Variants in ABCA13 observed in about 807,000 individuals in gnomAD.
The protein encoded by ABCA13 is ATP binding cassette subfamily A member 13.
Under a neutral mutation model 478.7 loss-of-function variants are expected in ABCA13, and 476 were observed. That is an observed-to-expected ratio of 0.99 (90% confidence interval 0.92 to 1.07). The LOEUF is 1.07. Among genes scored for constraint, ABCA13 ranks in the 50% least tolerant of loss-of-function variants. The probability of loss-of-function intolerance (pLI) is 0.00; values close to 1 mark genes in which losing one functional copy is unlikely to be tolerated. For missense variants in ABCA13, 6,060 were observed against 5,910.6 expected, an observed-to-expected ratio of 1.03 and a Z score of -0.83; for synonymous variants, 2,252 against 2,158.9, an observed-to-expected ratio of 1.04 and a Z score of -1.20.
Position 48,274,495 on chromosome 7 carries a change from A to G in ABCA13, c.4829A>G (p.His1610Arg), listed in dbSNP as rs754677392. 3 of 1,613,878 alleles carry G rather than the reference A, an allele frequency of 1.9e-6. No individual in the cohort carries two copies. Among genetic ancestry groups the G allele is most frequent in the South Asian group, 1.1e-5 (1 of 91,084 alleles). The change falls in exon 17 of 62, where the codon CAT becomes CGT. Residue 1610 changes from histidine (H) to arginine (R), a missense_variant. By Grantham distance (29) the His-to-Arg change is conservative (BLOSUM62 0). Transcript: ENST00000435803. ...AGTTACCTTGCCTTCAGCTTATCTC[A>G]TGACCTCCAAAATTCACCAAAAATA... is the stretch of plus-strand genomic sequence containing the variant. The part of the protein sequence containing the change: ...LASYLAFSLS[H>R]DLQNSPKIII...
At chr7:48,627,727 T>C (rs1368746914) in intron 59 of ABCA13, among the ~76,000 whole-genome samples, 1 of 152,206 alleles carries the variant, frequency 6.6e-6, no homozygotes, top group Non-Finnish European at 1.5e-5. Flanking sequence ...TTTAGAATTC[T>C]GGAGGCTAGG....
At chr7:48,637,970 C>T (rs896533966) in intron 59 of ABCA13, among the ~76,000 whole-genome samples, 3 of 152,166 alleles carry the variant, frequency 2.0e-5, no homozygotes, top group Non-Finnish European at 4.4e-5. Context: ...ACTGTAACAA[C>T]TGATGGCATT....
intron 3 of ABCA13, among the ~76,000 whole-genome samples, chr7:48,217,841 C>G (rs1786720786): frequency 6.6e-6 from 1 of 152,154 alleles, no homozygotes; most frequent in Non-Finnish European, 1.5e-5. Flanking sequence ...CCACTGTAAT[C>G]TCTTTTATCC....
At chr7:48,463,390 T>C (rs1308558576) in intron 43 of ABCA13, among the ~76,000 whole-genome samples, 2 of 152,172 alleles carry the variant, frequency 1.3e-5, no homozygotes, top group Non-Finnish European at 2.9e-5. Flanking sequence ...TCCTATACTC[T>C]CTCTCATTTA....
intron 39 of ABCA13, among the ~76,000 whole-genome samples, chr7:48,409,482 A>G (rs561955692): frequency 5.3e-5 from 8 of 152,214 alleles, no homozygotes; most frequent in Admixed American, 4.6e-4. Flanking sequence ...GGAACACCCA[A>G]GTCCCCCTCC....
chr7:48,232,645 C>G (rs892361657), intron 7 of ABCA13, among the ~76,000 whole-genome samples: 1 of 152,174 alleles, frequency 6.6e-6, no homozygotes, highest in South Asian at 2.1e-4. Context: ...AACTGTTAAT[C>G]TACACATTCT....
In ABCA13 at chr7:48,645,628, A is replaced by G. The variant is rs2131709760; in HGVS notation, c.*116A>G. On this transcript the variant is annotated 3_prime_UTR_variant, in exon 62 of 62. Coordinates refer to ENST00000435803, the MANE Select transcript of ABCA13 (RefSeq NM_152701.5). ...CTGGAACACACTCTCCAGGCCGTCAAATTATTCTCTTGTTCATTTTCTATT... is the reference window on the plus strand; with the variant it reads ...CTGGAACACACTCTCCAGGCCGTCAGATTATTCTCTTGTTCATTTTCTATT... 1.3e-6 allele frequency: 1 copy of G among 786,494 alleles called. No homozygotes were observed. Among genetic ancestry groups the G allele is most frequent in the East Asian group, 2.9e-5 (1 of 34,508 alleles). The allele number at this position is 786,494 out of a possible 1,614,324, so 48.7% of individuals were successfully genotyped here. A position where few individuals can be genotyped will look rare whatever the true frequency, so the allele number is the denominator to read the frequency against.
At chr7:48,572,638 A>G (rs1787781847) in intron 55 of ABCA13, among the ~76,000 whole-genome samples, 1 of 152,088 alleles carries the variant, frequency 6.6e-6, no homozygotes, top group Admixed American at 6.5e-5. Flanking sequence ...ATATCACTTG[A>G]TTTAATTGGG....
At chr7:48,578,456 A>G (rs967817896) in intron 55 of ABCA13, among the ~76,000 whole-genome samples, 5 of 152,292 alleles carry the variant, frequency 3.3e-5, no homozygotes, top group African/African-American at 1.2e-4. Context: ...AATTTTAAAA[A>G]CATATCATTT....
intron 55 of ABCA13, among the ~76,000 whole-genome samples, chr7:48,536,662 T>A (rs1833607448): frequency 6.6e-6 from 1 of 151,652 alleles, no homozygotes; most frequent in African/African-American, 2.4e-5. Context: ...AAAAAAAAAA[T>A]TATAACTTCA....
At chr7:48,434,989 G>A (rs1822638301) in intron 42 of ABCA13, among the ~76,000 whole-genome samples, 1 of 151,678 alleles carries the variant, frequency 6.6e-6, no homozygotes, top group African/African-American at 2.4e-5. Context: ...GCTATTCAGG[G>A]CCTCTTGGGA....
intron 26 of ABCA13, among the ~76,000 whole-genome samples, chr7:48,315,886 A>C (rs1178507396): frequency 6.6e-6 from 1 of 152,192 alleles, no homozygotes; most frequent in Non-Finnish European, 1.5e-5. Context: ...TGAAAGTAAC[A>C]TTTAAAACAA....
At chr7:48,365,521 A>G (rs1349818368) in intron 31 of ABCA13, among the ~76,000 whole-genome samples, 1 of 152,018 alleles carries the variant, frequency 6.6e-6, no homozygotes, top group Non-Finnish European at 1.5e-5. Context: ...GTTCTCTGAT[A>G]TTTTCTTCTT....
Position 48,297,278 on chromosome 7 carries a change from A to G in ABCA13, c.9166A>G (p.Met3056Val), listed in dbSNP as rs1584707254. ...AACTTGGTCATCAGGGAATCCCATC[A>G]TGACTTTTCTCAGCAATTTCACAGT... ...EETWSSGNPI[M>V]TFLSNFTVTE... Residue 3056 changes from methionine (M) to valine (V), a missense_variant, in exon 22 of 62, where the codon ATG becomes GTG. Met to Val is a conservative substitution (Grantham distance 21). Transcript: ENST00000435803. 6.2e-7 allele frequency: 1 copy of G among 1,609,772 alleles called. No homozygotes were observed. The highest frequency in any genetic ancestry group is 8.5e-7 in the Non-Finnish European group (1 of 1,177,984).
At chr7:48,247,467 G>T (rs1791870983) in intron 13 of ABCA13, among the ~76,000 whole-genome samples, 1 of 152,068 alleles carries the variant, frequency 6.6e-6, no homozygotes, top group Non-Finnish European at 1.5e-5. Flanking sequence ...TTTGGATGAT[G>T]CCTACGATAC....
At chr7:48,236,517 T>C (rs1415140274) in intron 8 of ABCA13, among the ~76,000 whole-genome samples, 2 of 152,214 alleles carry the variant, frequency 1.3e-5, no homozygotes, top group Non-Finnish European at 2.9e-5. Context: ...TTTTCTTGCT[T>C]TTTCCAGCTT....
At chr7:48,339,275 A>G (rs1339601004) in intron 29 of ABCA13, among the ~76,000 whole-genome samples, 1 of 152,248 alleles carries the variant, frequency 6.6e-6, no homozygotes, top group African/African-American at 2.4e-5. Flanking sequence ...GGTGAATGCA[A>G]TACTTAATAT....
At chr7:48,545,402 T>A (rs971739449) in intron 55 of ABCA13, among the ~76,000 whole-genome samples, 2 of 151,772 alleles carry the variant, frequency 1.3e-5, no homozygotes, top group African/African-American at 4.8e-5. Flanking sequence ...CTCCTAGAAT[T>A]GTGGGAGTTT....
intron 2 of ABCA13, among the ~76,000 whole-genome samples, chr7:48,195,183 G>C (rs959455878): frequency 6.6e-6 from 1 of 152,244 alleles, no homozygotes; most frequent in African/African-American, 2.4e-5. Flanking sequence ...TGTGGCTGAA[G>C]TAGTAAGCAG....
Sources: allele counts gnomAD v4.1 joint callset (sites outside exome capture counted in the v4.1 genomes callset), GRCh38; gene constraint gnomAD v4.1.1; transcripts MANE v1.5; gene names NCBI Gene and HGNC (gene_info 2026-07-23, HGNC 2026-07-21).